KLHL29: variants seen among roughly 807,000 people sequenced by gnomAD.
KLHL29 encodes the protein kelch like family member 29, also known as kelch-like protein 29.
KLHL29 carries 21 observed loss-of-function variants against 80.4 expected under a neutral mutation model. The ratio of observed to expected loss-of-function variants is 0.26; its 90% confidence interval spans 0.19 to 0.38. KLHL29 has a LOEUF of 0.38. KLHL29 is among the 10% of genes least tolerant of loss of function. The pLI, the probability that KLHL29 is intolerant of heterozygous loss-of-function variation, is 1.00. For missense variants in KLHL29, 867 were observed against 1,223.9 expected (o/e 0.71, Z 4.35); for synonymous variants, 511 against 526.8 (o/e 0.97, Z 0.41).
intron 2 of KLHL29, among the ~76,000 whole-genome samples, chr2:23,523,182 G>T (rs1451792495): frequency 4.6e-5 from 7 of 152,170 alleles, no homozygotes; most frequent in African/African-American, 1.4e-4. Flanking sequence ...AGGAAGCTTT[G>T]CCACCTGGGT....
At chr2:23,533,758 A>G (rs945241871) in intron 2 of KLHL29, among the ~76,000 whole-genome samples, 2 of 152,232 alleles carry the variant, frequency 1.3e-5, no homozygotes, top group Non-Finnish European at 2.9e-5. Flanking sequence ...TTGTGCTGAC[A>G]ATCTAGAAGA....
chr2:23,461,657 C>T (rs1369055714), intron 1 of KLHL29, among the ~76,000 whole-genome samples: 2 of 151,426 alleles, frequency 1.3e-5, no homozygotes, highest in Non-Finnish European at 2.9e-5. Flanking sequence ...TTGTATGACT[C>T]GCTCTGCCTT....
intron 1 of KLHL29, among the ~76,000 whole-genome samples, chr2:23,418,567 A>G (rs1410370191): frequency 6.6e-6 from 1 of 152,058 alleles, no homozygotes; most frequent in Non-Finnish European, 1.5e-5. Context: ...TTTCTCCTCC[A>G]CGGACTGTTG....
chr2:23,687,151 C>T (rs1247952603), intron 6 of KLHL29, among the ~76,000 whole-genome samples: 1 of 152,210 alleles, frequency 6.6e-6, no homozygotes, highest in African/African-American at 2.4e-5. Context: ...TGGCTCCACG[C>T]TCAGGCAGCT....
At chr2:23,399,413 A>T (rs988706554) in intron 1 of KLHL29, among the ~76,000 whole-genome samples, 19 of 152,342 alleles carry the variant, frequency 1.2e-4, no homozygotes, top group African/African-American at 4.3e-4. Context: ...TCATCACAAT[A>T]AAAAAATAGA....
chr2:23,571,030 C>A (rs1667704358), intron 3 of KLHL29, among the ~76,000 whole-genome samples: 1 of 152,350 alleles, frequency 6.6e-6, no homozygotes, highest in Non-Finnish European at 1.5e-5. Context: ...TCTGGTGTCT[C>A]TGTGATTATC....
intron 3 of KLHL29, among the ~76,000 whole-genome samples, chr2:23,631,266 ACAT>A (rs1669462207): frequency 6.6e-6 from 1 of 152,208 alleles, no homozygotes; most frequent in Admixed American, 6.5e-5. Context: ...CCCTCCAAAG[ACAT>A]CATCATATTC....
chr2:23,522,762 C>T (rs1334948288), intron 2 of KLHL29, among the ~76,000 whole-genome samples: 2 of 152,142 alleles, frequency 1.3e-5, no homozygotes, highest in Admixed American at 1.3e-4. Context: ...GCTTTTATTC[C>T]TGACTCCAGT....
chr2:23,652,609 A>C lies in KLHL29; in HGVS notation c.940+9759A>C, dbSNP rs528731781. On this transcript the variant is annotated intron_variant, in intron 5 of 13. Coordinates refer to ENST00000486442, the MANE Select transcript of KLHL29 (RefSeq NM_052920.2). ...AGCCTGTCAAGTGCCTCTTAAAGGG[A>C]TACCAGGTGACAGGCAAGGTGGCCC... 4.1e-4 allele frequency among the ~76,000 whole-genome samples: 63 copies of C among 152,332 alleles called. No individual in the cohort carries two copies. In the South Asian group the frequency reaches 8.9e-3, roughly 22 times the overall value.
Position 23,642,788 on chromosome 2 carries a change from T to G in KLHL29, c.878T>G (p.Leu293Arg). 6.4e-7 allele frequency: 1 copy of G among 1,550,416 alleles called. No homozygotes were observed. Among genetic ancestry groups the G allele is most frequent in the Non-Finnish European group, 8.7e-7 (1 of 1,146,886 alleles). Residue 293 changes from leucine (L) to arginine (R), a missense_variant, in exon 5 of 14, where the codon CTG becomes CGG. Around this residue, in one of 2 missense-constraint regions of KLHL29, gnomAD observed 424 missense variants for 456.9 expected, o/e 0.93. Transcript: ENST00000486442. ...CCCACAACCGACTCGGCCCACGGGC[T>G]GCAGATGCTGCGGACCATTGGCGTG... ...GPPTTDSAHG[L>R]QMLRTIGVGK... is the part of the protein sequence containing the mutation.
At chr2:23,449,999 T>C (rs1663823852) in intron 1 of KLHL29, among the ~76,000 whole-genome samples, 1 of 152,232 alleles carries the variant, frequency 6.6e-6, no homozygotes, top group African/African-American at 2.4e-5. Context: ...AGCCATTAAC[T>C]TGTGGGGCCT....
intron 2 of KLHL29, among the ~76,000 whole-genome samples, chr2:23,511,429 G>A (rs1471651732): frequency 1.3e-5 from 2 of 152,204 alleles, no homozygotes; most frequent in African/African-American, 2.4e-5. Flanking sequence ...ACCAAAAAGT[G>A]CCTCAGGAGC....
intron 1 of KLHL29, among the ~76,000 whole-genome samples, chr2:23,402,323 G>T (rs978425658): frequency 1.3e-5 from 2 of 152,226 alleles, no homozygotes; most frequent in Non-Finnish European, 2.9e-5. Context: ...CTCAATAAAG[G>T]ATTCCTTCAC....
In KLHL29 at chr2:23,562,518, A is replaced by G. The variant is rs1475029075; in HGVS notation, c.285+37A>G. The stretch of plus-strand genomic sequence containing the variant: ...TGTCATCTCTGAGCAGGAGCCGGAC[A>G]GAGGGGCCCTGCCTCCCTGCAGGCT... On this transcript the variant is annotated intron_variant, in intron 3 of 13. Coordinates refer to ENST00000486442, the MANE Select transcript of KLHL29 (RefSeq NM_052920.2). This position sits in a 1 kb window ranked among gnomAD's most constrained non-coding sequence, Gnocchi z 4.5. 2.6e-6 allele frequency: 4 copies of G among 1,530,080 alleles called. No homozygotes were observed. In the East Asian group the frequency reaches 7.3e-5, roughly 28 times the overall value. 94.8% of individuals were successfully genotyped at this position (1,530,080 alleles called of 1,614,324 possible). A position where few individuals can be genotyped will look rare whatever the true frequency, so the allele number is the denominator to read the frequency against.
At chr2:23,662,658 G>C (rs1036468496) in intron 5 of KLHL29, among the ~76,000 whole-genome samples, 1 of 152,118 alleles carries the variant, frequency 6.6e-6, no homozygotes, top group African/African-American at 2.4e-5. Flanking sequence ...GATCCCCCTG[G>C]GTTTTGCCTT....
At chr2:23,702,051 G>A (rs1318872934) in intron 11 of KLHL29, among the ~76,000 whole-genome samples, 2 of 150,962 alleles carry the variant, frequency 1.3e-5, no homozygotes, top group East Asian at 1.9e-4. Flanking sequence ...TCGAACTCCC[G>A]ACCTCAGATG....
intron 2 of KLHL29, among the ~76,000 whole-genome samples, chr2:23,479,501 A>G (rs567492351): frequency 7.0e-4 from 106 of 151,906 alleles, no homozygotes; most frequent in Non-Finnish European, 1.3e-3. Flanking sequence ...CCAGGAAGGG[A>G]AGCTGTTGGT....
chr2:23,432,837 C>T (rs967965473), intron 1 of KLHL29, among the ~76,000 whole-genome samples: 1 of 152,192 alleles, frequency 6.6e-6, no homozygotes, highest in African/African-American at 2.4e-5. Context: ...TGGCTGGAGC[C>T]AGGTCACTCA....
At chr2:23,582,720 G>C (rs1388912364) in intron 3 of KLHL29, among the ~76,000 whole-genome samples, 1 of 152,174 alleles carries the variant, frequency 6.6e-6, no homozygotes, top group Non-Finnish European at 1.5e-5. Context: ...AGGGTGGTAA[G>C]GTGGGCCACT....
Sources: allele counts gnomAD v4.1 joint callset (sites outside exome capture counted in the v4.1 genomes callset), GRCh38; gene constraint gnomAD v4.1.1; regional missense constraint gnomAD v4.1.1; non-coding constraint Gnocchi (gnomAD v3.1); transcripts MANE v1.5; gene names NCBI Gene and HGNC (gene_info 2026-07-23, HGNC 2026-07-21).